HTR2C: variants seen among roughly 807,000 people sequenced by gnomAD.
HTR2C encodes 5-hydroxytryptamine (serotonin) receptor 2C, G protein-coupled.
In HTR2C, 5 loss-of-function variants were observed where a neutral mutation model predicts 21.0. The observed-to-expected ratio is 0.24, with a 90% confidence interval of 0.12 to 0.50. HTR2C has a LOEUF of 0.50. Ranked by LOEUF, HTR2C falls within the 20% of genes least tolerant of loss-of-function variation. The pLI is 0.98. For missense variants in HTR2C, 271 were observed against 371.2 expected, an observed-to-expected ratio of 0.73 and a Z score of 2.22; for synonymous variants, 150 against 145.3, an observed-to-expected ratio of 1.03 and a Z score of -0.23.
At chrX:114,888,196 T>C (rs182450732) in intron 5 of HTR2C, among the ~76,000 whole-genome samples, 69 of 111,437 alleles carry the variant, frequency 6.2e-4, no homozygotes, top group Non-Finnish European at 1.2e-3. Context: ...CTTTCCTAGA[T>C]ATGTAGATGT....
chrX:114,612,309 C>T (rs1928774856), intron 1 of HTR2C, among the ~76,000 whole-genome samples: 1 of 111,706 alleles, frequency 9.0e-6, no homozygotes, highest in African/African-American at 3.3e-5. Flanking sequence ...ACTTACTAGG[C>T]TGAGTGCAAG....
chrX:114,759,403 G>T (rs2069844323), intron 4 of HTR2C, among the ~76,000 whole-genome samples: 1 of 111,153 alleles, frequency 9.0e-6, no homozygotes, highest in Non-Finnish European at 1.9e-5. Flanking sequence ...TGGTCGCTCT[G>T]CTAGTAACAC....
At chrX:114,773,088 G>A (rs1203593018) in intron 4 of HTR2C, among the ~76,000 whole-genome samples, 1 of 111,487 alleles carries the variant, frequency 9.0e-6, no homozygotes, top group Non-Finnish European at 1.9e-5. Context: ...TTCTTAAGCA[G>A]GTATATGCAA....
At chrX:114,631,640 C>T (rs1211677994) in intron 2 of HTR2C, among the ~76,000 whole-genome samples, 1 of 111,342 alleles carries the variant, frequency 9.0e-6, no homozygotes, top group Non-Finnish European at 1.9e-5. Flanking sequence ...ATGATGGCAC[C>T]CATGTATTTG....
chrX:114,630,330 C>T lies in HTR2C; in HGVS notation c.-80+16449C>T, dbSNP rs781802981. Among the ~76,000 whole-genome samples the T allele has an allele frequency of 1.4e-3, 152 of 111,532 alleles. 1 individual carries two copies. The highest frequency in any genetic ancestry group is 3.2e-4 in the Non-Finnish European group (17 of 53,090). On this transcript the variant is annotated intron_variant, in intron 2 of 5. Transcript: ENST00000276198. ...TAAAAAAAATTCCAACATTTTTTTA[C>T]CAGATCCCGCACAAATGGTAATTTG... is the stretch of plus-strand genomic sequence containing the variant.
At chrX:114,798,279 G>A (rs2070313630) in intron 4 of HTR2C, among the ~76,000 whole-genome samples, 1 of 110,759 alleles carries the variant, frequency 9.0e-6, no homozygotes, top group Non-Finnish European at 1.9e-5. Flanking sequence ...TATTATGAAA[G>A]CCAGGAGTGG....
chrX:114,628,107 T>C (rs1316021041), intron 2 of HTR2C, among the ~76,000 whole-genome samples: 1 of 112,360 alleles, frequency 8.9e-6, no homozygotes, highest in Non-Finnish European at 1.9e-5. Context: ...TAATGCTTGG[T>C]ATATGTAAAA....
intron 2 of HTR2C, among the ~76,000 whole-genome samples, chrX:114,657,256 A>G (rs1364974571): frequency 2.7e-5 from 3 of 110,994 alleles, no homozygotes; most frequent in Non-Finnish European, 5.7e-5. Flanking sequence ...GAACAAGAAA[A>G]AATTGTCTCC....
At position 114,791,265 on chromosome X, in the gene HTR2C, G is replaced by C. The variant is rs186800808; in HGVS notation, c.350-56738G>C. On this transcript the variant is annotated intron_variant, in intron 4 of 5. Coordinates refer to ENST00000276198, the MANE Select transcript of HTR2C (RefSeq NM_000868.4). Reference sequence around the variant, plus strand: ...TTATCATGTTCTGGTACGTTAATCTGAATGTGCTTATGAATATTCAGATAC... The same window carrying C: ...TTATCATGTTCTGGTACGTTAATCTCAATGTGCTTATGAATATTCAGATAC... 6.8e-4 allele frequency among the ~76,000 whole-genome samples: 77 copies of C among 112,443 alleles called. No individual in the cohort carries two copies. In the East Asian group the frequency reaches 8.1e-3, roughly 12 times the overall value.
chrX:114,838,149 G>T lies in HTR2C; in HGVS notation c.350-9854G>T, dbSNP rs1329135963. 2.7e-5 allele frequency among the ~76,000 whole-genome samples: 3 copies of T among 110,940 alleles called. No individual in the cohort carries two copies. The East Asian group carries it at 8.5e-4, about 31-fold the overall frequency. On this transcript the variant is annotated intron_variant, in intron 4 of 5. Transcript: ENST00000276198. ...TGTTATTCTTTTGGTACTTTTTTGG[G>T]CTTTATTTGTTAATATTTTATTTTG...
At chrX:114,709,195 A>G (rs1932855296) in intron 2 of HTR2C, among the ~76,000 whole-genome samples, 1 of 111,881 alleles carries the variant, frequency 8.9e-6, no homozygotes, top group African/African-American at 3.2e-5. Flanking sequence ...GCTTTCTTTT[A>G]TCATTAAAAA....
intron 4 of HTR2C, among the ~76,000 whole-genome samples, chrX:114,762,000 A>G (rs1296370560): frequency 1.0e-3 from 6 of 5,872 alleles, no homozygotes; most frequent in African/African-American, 1.9e-3. Context: ...CTATATATAC[A>G]CATATATATA....
chrX:114,628,125 G>A (rs1304221282), intron 2 of HTR2C, among the ~76,000 whole-genome samples: 1 of 112,219 alleles, frequency 8.9e-6, no homozygotes, highest in African/African-American at 3.2e-5. Context: ...AAATTTGATG[G>A]AAATATTTAA....
chrX:114,873,717 G>A lies in HTR2C; in HGVS notation c.550+25514G>A, dbSNP rs28379512. Among the ~76,000 whole-genome samples, 631 of 111,442 alleles carry A rather than the reference G, an allele frequency of 5.7e-3. 2 individuals carry two copies. The highest frequency in any genetic ancestry group is 0.017 in the African/African-American group (520 of 30,763). ...TGTACACTGTGATGATTTGATAAATGTATAGATCATGAAATGATTACCACA... is the reference window on the plus strand; with the variant it reads ...TGTACACTGTGATGATTTGATAAATATATAGATCATGAAATGATTACCACA... On this transcript the variant is annotated intron_variant, in intron 5 of 5. Coordinates refer to ENST00000276198, the MANE Select transcript of HTR2C (RefSeq NM_000868.4).
At chrX:114,814,522 A>G (rs782568524) in intron 4 of HTR2C, among the ~76,000 whole-genome samples, 10 of 109,442 alleles carry the variant, frequency 9.1e-5, no homozygotes, top group African/African-American at 3.3e-4. Flanking sequence ...AGTTAGTAGC[A>G]AGTCAAAATG....
At position 114,907,065 on chromosome X, in the gene HTR2C, C is replaced by T; in HGVS notation, c.1027C>T (p.Gln343Ter). The T allele has an allele frequency of 8.3e-7, 1 of 1,210,901 alleles. No homozygotes were observed. Among genetic ancestry groups the T allele is most frequent in the Non-Finnish European group, 1.1e-6 (1 of 894,824 alleles). The change falls in exon 6 of 6, where the codon CAA becomes TAA. Residue 343 changes from glutamine to a stop codon, truncating the protein, a stop_gained. Coordinates refer to ENST00000276198, the MANE Select transcript of HTR2C (RefSeq NM_000868.4). LOFTEE classifies it high-confidence loss of function. The part of the protein sequence containing the change: ...LSVLCEKSCN[Q>*]KLMEKLLNVF... ...TGTTCTTTGTGAGAAGTCCTGTAAC[C>T]AAAAGCTCATGGAAAAGCTTCTGAA...
At position 114,909,739 on chromosome X, in the gene HTR2C, A is replaced by G. The variant is rs2147546156; in HGVS notation, c.*2324A>G. 1 of 112,388 alleles carries G rather than the reference A, an allele frequency of 8.9e-6. No homozygotes were observed. Among genetic ancestry groups the G allele is most frequent in the East Asian group, 2.8e-4 (1 of 3,549 alleles). The allele number at this position is 112,388 out of a possible 1,213,427, so 9.3% of individuals were successfully genotyped here. ...GTTCTGTGCAGTTTGGTATGAAACA[A>G]ATATACTCATTTGGATATAAATCTT... On this transcript the variant is annotated 3_prime_UTR_variant, in exon 6 of 6. Coordinates refer to ENST00000276198, the MANE Select transcript of HTR2C (RefSeq NM_000868.4).
At position 114,799,564 on chromosome X, in the gene HTR2C, C is replaced by T. The variant is rs184354501; in HGVS notation, c.350-48439C>T. Among the ~76,000 whole-genome samples, 19 of 110,284 alleles carry T rather than the reference C, an allele frequency of 1.7e-4. No individual in the cohort carries two copies. The East Asian group carries it at 4.3e-3, about 25-fold the overall frequency. On this transcript the variant is annotated intron_variant, in intron 4 of 5. Coordinates refer to ENST00000276198, the MANE Select transcript of HTR2C (RefSeq NM_000868.4). ...ACATATGCATTCTTACCACAATGGG[C>T]AGAAAAATAAGCCTTTTTCAATATC...
At chrX:114,820,799 C>A (rs1206631216) in intron 4 of HTR2C, among the ~76,000 whole-genome samples, 2 of 110,989 alleles carry the variant, frequency 1.8e-5, no homozygotes, top group African/African-American at 6.6e-5. Context: ...AAGTCCAATT[C>A]AACCTCTTTT....
Sources: gnomAD v4.1 joint callset for allele counts (sites outside exome capture counted in the v4.1 genomes callset) on GRCh38, gnomAD v4.1.1 for gene constraint, MANE v1.5 for transcripts, NCBI Gene and HGNC (gene_info 2026-07-23, HGNC 2026-07-21) for gene names.